Variants in EPDR1 observed in about 807,000 individuals in gnomAD.
The protein encoded by EPDR1 is ependymin related 1, also known as mammalian ependymin-related protein 1.
EPDR1 carries 27 observed loss-of-function variants against 23.7 expected under a neutral mutation model. The observed-to-expected ratio is 1.14, with a 90% CI of 0.84 to 1.57. EPDR1 has a LOEUF of 1.57. EPDR1 is among the 40% of genes most tolerant of loss of function. The probability of loss-of-function intolerance (pLI) is 0.00; values close to 1 mark genes in which losing one functional copy is unlikely to be tolerated. For synonymous variants in EPDR1, 137 were observed against 118.2 expected, an observed-to-expected ratio of 1.16 and a Z score of -1.03; for missense variants, 349 against 290.4, an observed-to-expected ratio of 1.20 and a Z score of -1.47.
intron 1 of EPDR1, among the ~76,000 whole-genome samples, chr7:37,936,027 T>TACAC (rs1271724862): frequency 1.8e-5 from 2 of 108,294 alleles, no homozygotes; most frequent in South Asian, 3.4e-4. Flanking sequence ...TATATATATA[T>TACAC]ATATATATAT....
At chr7:37,923,379 G>A (rs1417646384) in intron 1 of EPDR1, among the ~76,000 whole-genome samples, 2 of 152,276 alleles carry the variant, frequency 1.3e-5, no homozygotes, top group Admixed American at 6.6e-5. Flanking sequence ...TGTGGCAGGC[G>A]TGGTGAGGGA....
At chr7:37,936,798 A>AC (rs1443714622) in intron 1 of EPDR1, among the ~76,000 whole-genome samples, 1 of 151,994 alleles carries the variant, frequency 6.6e-6, no homozygotes, top group Non-Finnish European at 1.5e-5. Context: ...AAATTTAAAC[A>AC]CCCCTTTTTT....
Position 37,950,290 on chromosome 7 carries a change from G to A in EPDR1, c.569G>A (p.Arg190Gln), listed in dbSNP as rs1299356035. 14 of 1,613,984 alleles carry A rather than the reference G, an allele frequency of 8.7e-6. No homozygotes were observed. Among genetic ancestry groups the A allele is most frequent in the Admixed American group, 1.7e-5 (1 of 60,006 alleles). Residue 190 changes from arginine (R) to glutamine (Q), a missense_variant, in exon 3 of 3, where the codon CGG (arginine) becomes CAG (glutamine). Coordinates refer to ENST00000199448, the MANE Select transcript of EPDR1 (RefSeq NM_017549.5). The part of the protein sequence containing the change: ...TINYSVILST[R>Q]FFDIQLGIKD... ...AACTACAGTGTGATATTGTCTACGC[G>A]GTTTTTTGACATCCAGCTGGGTATT...
chr7:37,942,789 A>C (rs1786194430), intron 1 of EPDR1, among the ~76,000 whole-genome samples: 1 of 152,220 alleles, frequency 6.6e-6, no homozygotes, highest in South Asian at 2.1e-4. Flanking sequence ...TACTAAAAAA[A>C]AACTATTTTC....
chr7:37,924,772 A>G lies in EPDR1; in HGVS notation c.269+3564A>G, dbSNP rs143699847. 7.9e-5 allele frequency among the ~76,000 whole-genome samples: 12 copies of G among 152,342 alleles called. No homozygotes were observed. In the East Asian group the frequency reaches 2.3e-3, roughly 29 times the overall value. On this transcript the variant is annotated intron_variant, in intron 1 of 2. Coordinates refer to ENST00000199448, the MANE Select transcript of EPDR1 (RefSeq NM_017549.5). ...CATAAACACATTTTTAAGCTCTTTA[A>G]GTGTAGATTTGTTGGAACAAACTCA...
chr7:37,946,550 G>A (rs759628601), intron 1 of EPDR1, among the ~76,000 whole-genome samples: 6 of 152,032 alleles, frequency 3.9e-5, no homozygotes, highest in Non-Finnish European at 8.8e-5. Flanking sequence ...TACTTTTATC[G>A]TTATTTTAGA....
Position 37,951,006 on chromosome 7 carries a change from A to T in EPDR1, c.*610A>T, listed in dbSNP as rs1786395548. 3 of 152,348 alleles carry T rather than the reference A, an allele frequency of 2.0e-5. No homozygotes were observed. In the South Asian group the frequency reaches 6.2e-4, roughly 32 times the overall value. 9.4% of individuals were successfully genotyped at this position (152,348 alleles called of 1,614,324 possible). A position where few individuals can be genotyped will look rare whatever the true frequency, so the allele number is the denominator to read the frequency against. On this transcript the variant is annotated 3_prime_UTR_variant, in exon 3 of 3. Coordinates refer to ENST00000199448, the MANE Select transcript of EPDR1 (RefSeq NM_017549.5). ...AATTGATATAAACATTTAGAAGGAA[A>T]TGAAAAGCTAAAATAGGAAGTAATT... is the stretch of plus-strand genomic sequence containing the variant.
intron 1 of EPDR1, chr7:37,921,511 G>A: frequency 2.3e-6 from 3 of 1,317,430 alleles, no homozygotes; most frequent in Non-Finnish European, 2.9e-6. Flanking sequence ...GCCCAGGTTC[G>A]CCCCTGTTCT....
intron 1 of EPDR1, 197 bp downstream of exon 1, chr7:37,921,405 C>T: frequency 1.4e-6 from 2 of 1,388,482 alleles, no homozygotes; most frequent in South Asian, 1.6e-5. Context: ...CCACCGAGGG[C>T]GGCCTGCTGG....
At chr7:37,929,087 T>C (rs1478525041) in intron 1 of EPDR1, among the ~76,000 whole-genome samples, 1 of 152,200 alleles carries the variant, frequency 6.6e-6, no homozygotes, top group African/African-American at 2.4e-5. Flanking sequence ...CCATTGGCAC[T>C]TGAATCTGTC....
chr7:37,936,153 T>A (rs78726144), intron 1 of EPDR1, among the ~76,000 whole-genome samples: 12 of 148,948 alleles, frequency 8.1e-5, no homozygotes, highest in Non-Finnish European at 1.8e-4. Context: ...AACAGCACAT[T>A]AAAAAAATAC....
At chr7:37,947,383 T>G (rs1489900685) in intron 1 of EPDR1, among the ~76,000 whole-genome samples, 1 of 152,310 alleles carries the variant, frequency 6.6e-6, no homozygotes, top group Middle Eastern at 3.4e-3. Flanking sequence ...ATGATGTTCG[T>G]GCAGTGATGA....
chr7:37,937,423 A>C (rs1786076849), intron 1 of EPDR1, among the ~76,000 whole-genome samples: 1 of 152,226 alleles, frequency 6.6e-6, no homozygotes, highest in Non-Finnish European at 1.5e-5. Context: ...AAAACATTTA[A>C]ATAAAACCAA....
chr7:37,950,097 A>G, intron 2 of EPDR1, 103 bp from the exon 3 acceptor site: 4 of 849,818 alleles, frequency 4.7e-6, no homozygotes, highest in Non-Finnish European at 7.1e-6. Context: ...TAAAAATGGT[A>G]AAATGGTAAA....
At chr7:37,949,256 C>T (rs767054028) in intron 2 of EPDR1, among the ~76,000 whole-genome samples, 10 of 152,256 alleles carry the variant, frequency 6.6e-5, no homozygotes, top group Non-Finnish European at 1.3e-4. Flanking sequence ...TCTAGTGCCA[C>T]CTGCACCTCT....
chr7:37,945,692 A>G (rs1348642619), intron 1 of EPDR1, among the ~76,000 whole-genome samples: 4 of 152,328 alleles, frequency 2.6e-5, no homozygotes, highest in South Asian at 2.1e-4. Flanking sequence ...ATTCTAGCAT[A>G]TAAGTAATTA....
intron 1 of EPDR1, among the ~76,000 whole-genome samples, chr7:37,922,326 A>T (rs1785723425): frequency 6.6e-6 from 1 of 152,218 alleles, no homozygotes; most frequent in Non-Finnish European, 1.5e-5. Context: ...AGACCCTTTC[A>T]AACAATATCA....
chr7:37,924,398 AC>A (rs1246049669), intron 1 of EPDR1, among the ~76,000 whole-genome samples: 1 of 152,144 alleles, frequency 6.6e-6, no homozygotes, highest in Admixed American at 6.5e-5. Context: ...GTTCTGTGCT[AC>A]CCCAACTGTG....
intron 1 of EPDR1, among the ~76,000 whole-genome samples, chr7:37,942,213 C>G (rs1263642145): frequency 6.6e-6 from 1 of 152,050 alleles, no homozygotes; most frequent in African/African-American, 2.4e-5. Flanking sequence ...TTAGGAAACA[C>G]CTAGGAATCC....
Sources: gnomAD v4.1 joint callset for allele counts (sites outside exome capture counted in the v4.1 genomes callset) on GRCh38, gnomAD v4.1.1 for gene constraint, MANE v1.5 for transcripts, NCBI Gene and HGNC (gene_info 2026-07-23, HGNC 2026-07-21) for gene names.